Variants in SP140 observed in about 807,000 individuals in gnomAD.
SP140 encodes the protein nuclear body protein SP140.
A neutral mutation model predicts 125.0 loss-of-function variants in SP140; 81 were observed. The ratio of observed to expected loss-of-function variants is 0.65; its 90% confidence interval spans 0.54 to 0.78. The LOEUF is 0.78. SP140 is among the 30% of genes least tolerant of loss of function. The pLI is 0.00. For synonymous variants in SP140, 312 were observed against 354.0 expected, an observed-to-expected ratio of 0.88 and a Z score of 1.33; for missense variants, 858 against 1,037.0, an observed-to-expected ratio of 0.83 and a Z score of 2.37.
chr2:230,250,754 G>A (rs1471108115), intron 9 of SP140, among the ~76,000 whole-genome samples: 2 of 152,130 alleles, frequency 1.3e-5, no homozygotes, highest in African/African-American at 4.8e-5. Context: ...GAAGGAGAGA[G>A]AATTAGGAGT....
At chr2:230,212,569 G>A in intron 1 of SP140, 2 of 1,038,104 alleles carry the variant, frequency 1.9e-6, no homozygotes, top group Non-Finnish European at 3.0e-6. Flanking sequence ...TGGGAAGCAG[G>A]TGTTCTGGAC....
chr2:230,190,720 A>G, the SP140 span, among the ~76,000 whole-genome samples: 1 of 152,014 alleles, frequency 6.6e-6, no homozygotes, highest in Non-Finnish European at 1.5e-5. Context: ...ATCCATCTTC[A>G]GTTATTTTTT....
intron 15 of SP140, among the ~76,000 whole-genome samples, chr2:230,282,630 T>C (rs1049234531): frequency 6.6e-6 from 1 of 152,104 alleles, no homozygotes; most frequent in Non-Finnish European, 1.5e-5. Flanking sequence ...AGACCCCGTA[T>C]CTACACACAC....
the SP140 span, among the ~76,000 whole-genome samples, chr2:230,189,094 CT>C: frequency 0.88 from 133,150 of 151,854 alleles, 58,415 homozygotes; most frequent in East Asian, 1. Flanking sequence ...AAACTTCTCT[CT>C]TTTTTTTTGG....
At chr2:230,227,618 G>A (rs777466980) in intron 1 of SP140, among the ~76,000 whole-genome samples, 30 of 152,108 alleles carry the variant, frequency 2.0e-4, no homozygotes, top group Non-Finnish European at 1.5e-5. Flanking sequence ...ATAGATGTAG[G>A]CCTATTCAGA....
intron 6 of SP140, among the ~76,000 whole-genome samples, chr2:230,245,451 T>C (rs139768271): frequency 7.9e-5 from 12 of 152,240 alleles, no homozygotes; most frequent in Admixed American, 2.6e-4. Flanking sequence ...AATAATGAAA[T>C]ACTGTATATA....
intron 1 of SP140, among the ~76,000 whole-genome samples, chr2:230,230,878 T>G (rs1402756588): frequency 6.6e-6 from 1 of 152,262 alleles, no homozygotes; most frequent in Admixed American, 6.5e-5. Flanking sequence ...CGTATTCCAA[T>G]TACATATTTG....
intron 15 of SP140, among the ~76,000 whole-genome samples, chr2:230,280,064 T>G (rs983514071): frequency 3.9e-5 from 6 of 152,200 alleles, no homozygotes; most frequent in African/African-American, 1.4e-4. Context: ...AGCACAACTT[T>G]CTTGTTTAAA....
intron 1 of SP140, chr2:230,213,086 G>T: frequency 6.4e-7 from 1 of 1,571,610 alleles, no homozygotes. Context: ...ACTTGGGGAA[G>T]GGGATTTCTT....
chr2:230,248,480 C>T (rs1040192249), intron 8 of SP140, among the ~76,000 whole-genome samples: 8 of 151,762 alleles, frequency 5.3e-5, no homozygotes, highest in African/African-American at 1.5e-4. Context: ...AAAAAAAATG[C>T]TAATGGGAGG....
intron 4 of SP140, among the ~76,000 whole-genome samples, chr2:230,242,382 C>T (rs769108252): frequency 1.5e-4 from 23 of 152,106 alleles, no homozygotes; most frequent in Admixed American, 7.2e-4. Flanking sequence ...TTCCATTAAC[C>T]GTAAGTTTTC....
chr2:230,247,551 T>C (rs1011475286), intron 7 of SP140, among the ~76,000 whole-genome samples: 1 of 152,220 alleles, frequency 6.6e-6, no homozygotes, highest in Non-Finnish European at 1.5e-5. Context: ...ATCTTTCCTC[T>C]GATCTTGTAC....
At chr2:230,241,990 A>G (rs2048796327) in intron 4 of SP140, among the ~76,000 whole-genome samples, 1 of 152,130 alleles carries the variant, frequency 6.6e-6, no homozygotes, top group Admixed American at 6.6e-5. Context: ...GAGAGAGGGG[A>G]GCCTGAAAGA....
chr2:230,224,232 G>A (rs976364770), upstream of SP140, among the ~76,000 whole-genome samples: 1 of 152,144 alleles, frequency 6.6e-6, no homozygotes, highest in African/African-American at 2.4e-5. Context: ...AAAGAAGCTG[G>A]CACATTTTCA....
intron 3 of SP140, among the ~76,000 whole-genome samples, chr2:230,240,448 G>T (rs1037499683): frequency 6.6e-6 from 1 of 152,116 alleles, no homozygotes; most frequent in Non-Finnish European, 1.5e-5. Context: ...AAAATATGAA[G>T]AACTCCTATA....
chr2:230,293,868 C>T (rs1237881889), intron 20 of SP140, among the ~76,000 whole-genome samples: 1 of 152,036 alleles, frequency 6.6e-6, no homozygotes, highest in African/African-American at 2.4e-5. Context: ...TAGGTTGTCC[C>T]ATCTTCATGT....
Position 230,220,054 on chromosome 2 carries a change from G to A in SP140, c.-90-5701G>A, listed in dbSNP as rs1415915363. The A allele has an allele frequency of 5.1e-6, 5 of 985,448 alleles. No individual in the cohort carries two copies. The African/African-American group carries it at 8.7e-5, about 17-fold the overall frequency. 61.0% of individuals were successfully genotyped at this position (985,448 alleles called of 1,614,324 possible). A position where few individuals can be genotyped will look rare whatever the true frequency, so the allele number is the denominator to read the frequency against. On this transcript the variant is annotated intron_variant, in intron 3 of 4. Transcript: ENST00000456542. ...AGTGAAAGTTTTCGGAGTTTGCCAA[G>A]CCGGAAGCTGAAGGCAGGTCGGTGC...
At chr2:230,315,479 T>C (rs2059478484), downstream of SP140, among the ~76,000 whole-genome samples, 1 of 152,118 alleles carries the variant, frequency 6.6e-6, no homozygotes, top group Non-Finnish European at 1.5e-5. Context: ...CATCTCACAA[T>C]GGGCCCTCTG....
intron 12 of SP140, 100 bp from the exon 13 acceptor site, chr2:230,269,432 C>G (rs1012328986): frequency 2.3e-5 from 18 of 785,310 alleles, no homozygotes; most frequent in Non-Finnish European, 3.6e-5. Context: ...AACAGTTCAT[C>G]TTAGCTCAGA....
Sources: gnomAD v4.1 joint callset for allele counts (sites outside exome capture counted in the v4.1 genomes callset) on GRCh38, gnomAD v4.1.1 for gene constraint, MANE v1.5 for transcripts, NCBI Gene and HGNC (gene_info 2026-07-23, HGNC 2026-07-21) for gene names.